CHAT: variants seen among roughly 807,000 people sequenced by gnomAD.
CHAT encodes acetyl CoA:choline O-acetyltransferase.
Under a neutral mutation model 76.9 loss-of-function variants are expected in CHAT, and 61 were observed. The observed-to-expected ratio is 0.79, with a 90% CI of 0.65 to 0.98. The LOEUF (loss-of-function observed/expected upper bound fraction) is 0.98. CHAT is among the 50% of genes least tolerant of loss of function. The pLI, the probability that CHAT is intolerant of heterozygous loss-of-function variation, is 0.00. For synonymous variants in CHAT, 407 were observed against 397.4 expected (o/e 1.02, Z -0.29); for missense variants, 946 against 986.9 (o/e 0.96, Z 0.56).
intron 7 of CHAT, among the ~76,000 whole-genome samples, chr10:49,642,003 C>G (rs772138052): frequency 6.6e-6 from 1 of 152,156 alleles, no homozygotes; most frequent in Non-Finnish European, 1.5e-5. Flanking sequence ...CAGGGCTCCC[C>G]GAGGCCTCCT....
chr10:49,630,630 G>T (rs1437565082), intron 7 of CHAT, among the ~76,000 whole-genome samples: 1 of 152,144 alleles, frequency 6.6e-6, no homozygotes, highest in African/African-American at 2.4e-5. Flanking sequence ...GAGGATGAGG[G>T]TCAAGGGAGG....
intron 7 of CHAT, among the ~76,000 whole-genome samples, chr10:49,640,325 G>C (rs1485495286): frequency 6.6e-6 from 1 of 152,122 alleles, no homozygotes. Flanking sequence ...TTGAAACTTG[G>C]ATATATTGTG....
chr10:49,644,658 C>T (rs1241724296), intron 7 of CHAT, among the ~76,000 whole-genome samples: 1 of 151,998 alleles, frequency 6.6e-6, no homozygotes, highest in Non-Finnish European at 1.5e-5. Context: ...AGGCTGGCTT[C>T]CCAGAGTAGA....
chr10:49,644,291 A>T (rs921415721), intron 7 of CHAT, among the ~76,000 whole-genome samples: 2 of 152,154 alleles, frequency 1.3e-5, no homozygotes, highest in Non-Finnish European at 1.5e-5. Context: ...GCAGGGATCT[A>T]GGGTGGGAAG....
At position 49,614,540 on chromosome 10, in the gene CHAT, G is replaced by C. The variant is rs888596647; in HGVS notation, c.286+65G>C. On this transcript the variant is annotated intron_variant, in intron 1 of 14. Coordinates refer to ENST00000337653, the MANE Select transcript of CHAT (RefSeq NM_020549.5). ...CCGGGAGCAAGGGCGGCGGTCGGGG[G>C]CTCTATCCAGGGACAGCACCGGGGC... 322 of 1,409,702 alleles carry C rather than the reference G, an allele frequency of 2.3e-4. 1 individual carries two copies. The highest frequency in any genetic ancestry group is 2.9e-4 in the Non-Finnish European group (305 of 1,037,138). The allele number at this position is 1,409,702 out of a possible 1,614,324, so 87.3% of individuals were successfully genotyped here. A position where few individuals can be genotyped will look rare whatever the true frequency, so the allele number is the denominator to read the frequency against.
At chr10:49,658,602 G>C (rs1006449122) in intron 13 of CHAT, among the ~76,000 whole-genome samples, 1 of 152,180 alleles carries the variant, frequency 6.6e-6, no homozygotes, top group Non-Finnish European at 1.5e-5. Context: ...CCAGCTACTA[G>C]GGAGGCTGAG....
chr10:49,645,694 A>G (rs1389934604), intron 7 of CHAT, among the ~76,000 whole-genome samples: 1 of 151,386 alleles, frequency 6.6e-6, no homozygotes, highest in African/African-American at 2.4e-5. Flanking sequence ...TCTGTGCCTG[A>G]CTCCCGCTCC....
intron 13 of CHAT, 31 bp downstream of exon 13, chr10:49,655,479 G>T (rs376712704): frequency 6.2e-7 from 1 of 1,604,184 alleles, no homozygotes; most frequent in Non-Finnish European, 8.5e-7. Flanking sequence ...TCACAACACT[G>T]CACTTGAGCT....
intron 10 of CHAT, among the ~76,000 whole-genome samples, chr10:49,651,348 G>A (rs1479247120): frequency 2.0e-5 from 3 of 151,984 alleles, no homozygotes; most frequent in South Asian, 2.1e-4. Context: ...GAAGGTGTGC[G>A]TGTGGGCTCG....
At chr10:49,653,211 C>T (rs367642275) in intron 11 of CHAT, among the ~76,000 whole-genome samples, 1 of 151,930 alleles carries the variant, frequency 6.6e-6, no homozygotes, top group Non-Finnish European at 1.5e-5. Context: ...GGGATTTAGA[C>T]CTGGTGGCCC....
upstream of CHAT, chr10:49,610,723 G>A: frequency 4.1e-6 from 6 of 1,480,202 alleles, no homozygotes; most frequent in Non-Finnish European, 5.4e-6. Context: ...GTCCTCGGAA[G>A]AGCATCGGGG....
chr10:49,620,244 C>T (rs1838655369), intron 3 of CHAT, among the ~76,000 whole-genome samples: 1 of 152,020 alleles, frequency 6.6e-6, no homozygotes, highest in Non-Finnish European at 1.5e-5. Flanking sequence ...CCTGTAAGGA[C>T]AGGCAGAGGA....
intron 5 of CHAT, among the ~76,000 whole-genome samples, chr10:49,624,785 T>C (rs1394971025): frequency 1.3e-5 from 2 of 150,506 alleles, no homozygotes; most frequent in African/African-American, 2.5e-5. Flanking sequence ...GATAGATGGG[T>C]GGATGGTGGA....
At chr10:49,649,453 G>A (rs1839792100) in intron 9 of CHAT, 55 bp from the exon 10 acceptor site, 1 of 1,612,602 alleles carries the variant, frequency 6.2e-7, no homozygotes, top group Non-Finnish European at 8.5e-7. Flanking sequence ...AAGAAGAGAT[G>A]CCTCCCACAG....
chr10:49,657,802 T>G (rs994720730), intron 13 of CHAT, among the ~76,000 whole-genome samples: 1 of 152,174 alleles, frequency 6.6e-6, no homozygotes, highest in African/African-American at 2.4e-5. Flanking sequence ...CAGAAACTGA[T>G]GGTTGGGGCC....
At chr10:49,664,450 C>A (rs545439833) in intron 14 of CHAT, among the ~76,000 whole-genome samples, 1 of 152,156 alleles carries the variant, frequency 6.6e-6, no homozygotes, top group Non-Finnish European at 1.5e-5. Flanking sequence ...TAGTAAATTA[C>A]CTGATTGCCT....
intron 8 of CHAT, among the ~76,000 whole-genome samples, 173 bp from the exon 9 acceptor site, chr10:49,648,334 C>A (rs1332669236): frequency 6.6e-6 from 1 of 152,168 alleles, no homozygotes; most frequent in African/African-American, 2.4e-5. Flanking sequence ...GTCTTGGATT[C>A]TCATATTCTC....
chr10:49,641,364 G>A (rs1186376172), intron 7 of CHAT, among the ~76,000 whole-genome samples: 1 of 152,174 alleles, frequency 6.6e-6, no homozygotes, highest in Admixed American at 6.5e-5. Flanking sequence ...ATCTTTCAGA[G>A]TCTTCTTACT....
upstream of CHAT, chr10:49,610,866 G>A: frequency 1.9e-6 from 3 of 1,613,092 alleles, no homozygotes; most frequent in South Asian, 3.3e-5. Context: ...TGTGCGTGGC[G>A]CTGTTACTGG....
Sources: gnomAD v4.1 joint callset for allele counts (sites outside exome capture counted in the v4.1 genomes callset) on GRCh38, gnomAD v4.1.1 for gene constraint, MANE v1.5 for transcripts, NCBI Gene and HGNC (gene_info 2026-07-23, HGNC 2026-07-21) for gene names.